TMEM178B: variants seen among roughly 807,000 people sequenced by gnomAD.
The protein encoded by TMEM178B is transmembrane protein 178B.
Under a neutral mutation model 31.0 loss-of-function variants are expected in TMEM178B, and 5 were observed. The ratio of observed to expected loss-of-function variants is 0.16; its 90% CI spans 0.08 to 0.34. The LOEUF (loss-of-function observed/expected upper bound fraction) is 0.34, where lower values mean the gene tolerates loss of function less well. TMEM178B is among the 10% of genes least tolerant of loss of function. The pLI, the probability that TMEM178B is intolerant of heterozygous loss-of-function variation, is 1.00. For synonymous variants in TMEM178B, 164 were observed against 164.0 expected (o/e 1.00, Z 0.00); for missense variants, 275 against 400.3 (o/e 0.69, Z 2.67).
chr7:141,227,646 G>C (rs1040130462), intron 2 of TMEM178B, among the ~76,000 whole-genome samples: 1 of 152,212 alleles, frequency 6.6e-6, no homozygotes, highest in African/African-American at 2.4e-5. Context: ...AATGGGCGGA[G>C]TCCGGACTGT....
intron 2 of TMEM178B, among the ~76,000 whole-genome samples, chr7:141,289,731 AG>A: frequency 6.7e-6 from 1 of 149,926 alleles, no homozygotes; most frequent in East Asian, 1.9e-4. Context: ...AAAAAAAAAA[AG>A]AAAAAAGAAA....
intron 2 of TMEM178B, among the ~76,000 whole-genome samples, chr7:141,293,244 TG>T (rs1798577854): frequency 6.6e-6 from 1 of 152,178 alleles, no homozygotes; most frequent in Middle Eastern, 3.2e-3. Context: ...AGGACCCACC[TG>T]GGGGCTCCTC....
At chr7:141,356,168 T>C (rs1262661603) in intron 2 of TMEM178B, among the ~76,000 whole-genome samples, 1 of 152,220 alleles carries the variant, frequency 6.6e-6, no homozygotes. Flanking sequence ...TGAATAGTGC[T>C]GTGATGAACA....
At chr7:141,373,806 A>G (rs1800162107) in intron 2 of TMEM178B, among the ~76,000 whole-genome samples, 1 of 152,206 alleles carries the variant, frequency 6.6e-6, no homozygotes, top group Non-Finnish European at 1.5e-5. Context: ...CACAGTATTC[A>G]CTACAGGCTG....
At chr7:141,320,537 G>C (rs1001307524) in intron 2 of TMEM178B, among the ~76,000 whole-genome samples, 2 of 152,126 alleles carry the variant, frequency 1.3e-5, no homozygotes, top group African/African-American at 4.8e-5. Context: ...TCTCACCTTG[G>C]TTCCTCTTTC....
chr7:141,254,516 G>C (rs897963865), intron 2 of TMEM178B, among the ~76,000 whole-genome samples: 3 of 152,122 alleles, frequency 2.0e-5, no homozygotes, highest in Non-Finnish European at 2.9e-5. Flanking sequence ...TCAGGAGTTC[G>C]AGACCAGCCC....
intron 1 of TMEM178B, among the ~76,000 whole-genome samples, chr7:141,090,980 G>A (rs1356211690): frequency 2.0e-5 from 3 of 152,234 alleles, no homozygotes; most frequent in Non-Finnish European, 2.9e-5. Context: ...ACTCAGATAA[G>A]TAGAGTAATT....
chr7:141,293,283 A>G (rs1489643143), intron 2 of TMEM178B, among the ~76,000 whole-genome samples: 1 of 152,132 alleles, frequency 6.6e-6, no homozygotes, highest in Non-Finnish European at 1.5e-5. Context: ...GCCAGACCTG[A>G]GCATCTTCCA....
intron 3 of TMEM178B, among the ~76,000 whole-genome samples, chr7:141,453,887 CTG>C (rs1356252067): frequency 1.3e-5 from 2 of 149,026 alleles, no homozygotes; most frequent in East Asian, 3.9e-4. Flanking sequence ...TAACTAAACT[CTG>C]TTGTGAATGA....
intron 2 of TMEM178B, among the ~76,000 whole-genome samples, chr7:141,316,658 CT>C (rs1256241568): frequency 6.6e-6 from 1 of 152,178 alleles, no homozygotes; most frequent in African/African-American, 2.4e-5. Flanking sequence ...TGAGTACCTA[CT>C]AAGGGCTGAG....
At chr7:141,391,098 G>T (rs1319442646) in intron 2 of TMEM178B, among the ~76,000 whole-genome samples, 1 of 152,168 alleles carries the variant, frequency 6.6e-6, no homozygotes, top group Admixed American at 6.5e-5. Flanking sequence ...GGAAACCCTT[G>T]GCAGAGCTGA....
chr7:141,445,817 A>G (rs995109122), intron 3 of TMEM178B, among the ~76,000 whole-genome samples: 1 of 152,174 alleles, frequency 6.6e-6, no homozygotes, highest in Non-Finnish European at 1.5e-5. Context: ...CATAAAACCC[A>G]TCTTCTTACC....
At chr7:141,492,095 G>A in the TMEM178B span, among the ~76,000 whole-genome samples, 1 of 152,100 alleles carries the variant, frequency 6.6e-6, no homozygotes, top group Admixed American at 6.5e-5. Context: ...CCCTATTATT[G>A]ATCCTCATCT....
At chr7:141,463,684 G>C (rs895823673) in intron 3 of TMEM178B, among the ~76,000 whole-genome samples, 1 of 152,222 alleles carries the variant, frequency 6.6e-6, no homozygotes, top group African/African-American at 2.4e-5. Context: ...TCTGAGCAGA[G>C]CTGGAAGAAG....
chr7:141,404,951 A>C (rs1294502190), intron 2 of TMEM178B, among the ~76,000 whole-genome samples: 1 of 152,166 alleles, frequency 6.6e-6, no homozygotes, highest in Non-Finnish European at 1.5e-5. Flanking sequence ...GCTAGGGGTG[A>C]AGTTTCCCGT....
intron 2 of TMEM178B, among the ~76,000 whole-genome samples, chr7:141,368,599 T>C (rs1210064319): frequency 6.6e-6 from 1 of 152,222 alleles, no homozygotes; most frequent in Non-Finnish European, 1.5e-5. Context: ...TACAGGGGGC[T>C]TCTTATCCAT....
chr7:141,421,850 T>C (rs1801216261), intron 2 of TMEM178B, among the ~76,000 whole-genome samples: 2 of 152,026 alleles, frequency 1.3e-5, no homozygotes, highest in Non-Finnish European at 1.5e-5. Flanking sequence ...TTTTTTTTTT[T>C]CTCACTACAA....
At chr7:141,284,516 A>G (rs1318798722) in intron 2 of TMEM178B, among the ~76,000 whole-genome samples, 1 of 152,054 alleles carries the variant, frequency 6.6e-6, no homozygotes. Flanking sequence ...GCAGACTCCT[A>G]ATTTATTTAA....
chr7:141,458,881 C>A (rs976064918), intron 3 of TMEM178B, among the ~76,000 whole-genome samples: 1 of 152,226 alleles, frequency 6.6e-6, no homozygotes, highest in East Asian at 1.9e-4. Context: ...CACGCACACA[C>A]ACACACATAC....
Sources: allele counts gnomAD v4.1 joint callset (sites outside exome capture counted in the v4.1 genomes callset), GRCh38; gene constraint gnomAD v4.1.1; transcripts MANE v1.5; gene names NCBI Gene and HGNC (gene_info 2026-07-23, HGNC 2026-07-21).